ASIC2: variants seen among roughly 807,000 people sequenced by gnomAD.
ASIC2 encodes acid sensing ion channel subunit 2.
ASIC2 carries 25 observed loss-of-function variants against 57.3 expected under a neutral mutation model. The observed-to-expected ratio is 0.44, with a 90% CI of 0.32 to 0.61. The LOEUF (loss-of-function observed/expected upper bound fraction) is 0.61, where lower values mean the gene tolerates loss of function less well. Ranked by LOEUF, ASIC2 falls within the 20% of genes least tolerant of loss-of-function variation. The pLI is 0.06. For missense variants in ASIC2, 641 were observed against 738.1 expected (o/e 0.87, Z 1.52); for synonymous variants, 319 against 307.5 (o/e 1.04, Z -0.39).
chr17:33,847,393 C>A (rs571482974), intron 1 of ASIC2, among the ~76,000 whole-genome samples: 2 of 152,168 alleles, frequency 1.3e-5, no homozygotes, highest in Admixed American at 6.5e-5. Flanking sequence ...GCCTTGCAGA[C>A]AGCCCCCATC....
At chr17:33,980,549 T>C (rs1905575600) in intron 1 of ASIC2, among the ~76,000 whole-genome samples, 1 of 152,106 alleles carries the variant, frequency 6.6e-6, no homozygotes, top group African/African-American at 2.4e-5. Flanking sequence ...TCTGGGAACT[T>C]GGGTAGGTTG....
intron 1 of ASIC2, among the ~76,000 whole-genome samples, chr17:33,336,500 C>A (rs910682350): frequency 6.6e-6 from 1 of 152,050 alleles, no homozygotes; most frequent in East Asian, 1.9e-4. Flanking sequence ...TCCAGTCCTG[C>A]GGAAGGAAAC....
intron 1 of ASIC2, among the ~76,000 whole-genome samples, chr17:33,589,150 A>G (rs1904744487): frequency 6.6e-6 from 1 of 152,204 alleles, no homozygotes; most frequent in Admixed American, 6.5e-5. Context: ...CCAGAGCCAG[A>G]GAAGGGAAGT....
intron 1 of ASIC2, among the ~76,000 whole-genome samples, chr17:33,849,962 A>G (rs1194975392): frequency 6.6e-6 from 1 of 152,256 alleles, no homozygotes; most frequent in African/African-American, 2.4e-5. Flanking sequence ...ATTAATTACA[A>G]AAAGTAACAA....
intron 1 of ASIC2, among the ~76,000 whole-genome samples, chr17:34,151,323 G>A (rs990787263): frequency 6.6e-6 from 1 of 152,172 alleles, no homozygotes; most frequent in Non-Finnish European, 1.5e-5. Flanking sequence ...TCATCTGGAG[G>A]GGGTGGGAAA....
chr17:33,122,009 C>A (rs565683645), intron 1 of ASIC2, among the ~76,000 whole-genome samples: 1 of 152,274 alleles, frequency 6.6e-6, no homozygotes, highest in South Asian at 2.1e-4. Context: ...TTGTAGTGAG[C>A]CAAGGCTGAC....
At chr17:33,609,381 G>A (rs1226323718) in intron 1 of ASIC2, among the ~76,000 whole-genome samples, 3 of 152,086 alleles carry the variant, frequency 2.0e-5, no homozygotes, top group Admixed American at 6.5e-5. Context: ...CTTGCCCTCC[G>A]AGTCACAGTC....
In ASIC2 at chr17:33,416,237, A is replaced by G. The variant is rs148448154; in HGVS notation, c.556-304170T>C. 8.0e-4 allele frequency among the ~76,000 whole-genome samples: 122 copies of G among 152,362 alleles called. 1 individual carries two copies. In the Middle Eastern group the frequency reaches 0.017, roughly 21 times the overall value. ...GGCCAGAATCAAGGCTGAAGCTAAA[A>G]CCACATGGATTTGGAAATCTTAACA... On this transcript the variant is annotated intron_variant, in intron 1 of 9. Coordinates refer to the ASIC2 transcript ENST00000359872.
chr17:33,127,018 C>T (rs929888709), intron 1 of ASIC2, among the ~76,000 whole-genome samples: 8 of 150,650 alleles, frequency 5.3e-5, no homozygotes, highest in African/African-American at 2.0e-4. Flanking sequence ...CAGGCGCCCG[C>T]CACCGCGCCC....
intron 1 of ASIC2, among the ~76,000 whole-genome samples, chr17:33,336,454 C>T (rs144826886): frequency 2.0e-4 from 31 of 152,104 alleles, no homozygotes; most frequent in Admixed American, 1.4e-3. Context: ...TGAAATTTTG[C>T]GTCTGAGACA....
At chr17:33,603,541 AAG>A (rs950534785) in intron 1 of ASIC2, among the ~76,000 whole-genome samples, 1 of 152,048 alleles carries the variant, frequency 6.6e-6, no homozygotes, top group Non-Finnish European at 1.5e-5. Context: ...AGAAACAGAC[AAG>A]AGAGAAATAA....
chr17:33,468,435 A>C lies in ASIC2; in HGVS notation c.556-356368T>G, dbSNP rs1014136314. ...AAAATTAGCTCCTTTAAGCATAAAA[A>C]CATTTTGTTTTGGTTCCTTTGATTT... On this transcript the variant is annotated intron_variant, in intron 1 of 9. Coordinates refer to the ASIC2 transcript ENST00000359872. Among the ~76,000 whole-genome samples, 18 of 152,282 alleles carry C rather than the reference A, an allele frequency of 1.2e-4. No individual in the cohort carries two copies. The South Asian group carries it at 3.7e-3, about 32-fold the overall frequency.
At chr17:33,441,284 T>G (rs1045868358) in intron 1 of ASIC2, among the ~76,000 whole-genome samples, 3 of 152,210 alleles carry the variant, frequency 2.0e-5, no homozygotes, top group Non-Finnish European at 2.9e-5. Context: ...TTCTTAATGA[T>G]GCCTCTTGAA....
rs1287923092 is a variant in ASIC2 at position 33,510,564 on chromosome 17, C to T, written c.556-398497G>A. ...GGAGGATTGCCTGAGCCCAGGAGGT[C>T]GAGTCTGCAGTGAGTTGTGATGGTG... On this transcript the variant is annotated intron_variant, in intron 1 of 9. Coordinates refer to the ASIC2 transcript ENST00000359872. 1.5e-4 allele frequency among the ~76,000 whole-genome samples: 23 copies of T among 152,126 alleles called. No homozygotes were observed. In the East Asian group the frequency reaches 4.3e-3, roughly 28 times the overall value.
intron 1 of ASIC2, among the ~76,000 whole-genome samples, chr17:33,990,381 A>G: frequency 6.6e-6 from 1 of 152,244 alleles, no homozygotes; most frequent in East Asian, 1.9e-4. Context: ...TTTAATATTC[A>G]TCAGGCAATT....
chr17:33,016,282 A>C (rs1359586256), intron 8 of ASIC2, among the ~76,000 whole-genome samples: 5 of 152,178 alleles, frequency 3.3e-5, no homozygotes, highest in African/African-American at 1.2e-4. Flanking sequence ...GCCCTGCTTC[A>C]CAGGGTGAAC....
intron 1 of ASIC2, among the ~76,000 whole-genome samples, chr17:33,700,501 G>A (rs948366632): frequency 6.6e-6 from 1 of 152,162 alleles, no homozygotes; most frequent in Admixed American, 6.5e-5. Context: ...GCAGCAGACA[G>A]CATCCATGGA....
intron 1 of ASIC2, among the ~76,000 whole-genome samples, chr17:33,796,794 G>A (rs144218325): frequency 1.3e-3 from 198 of 152,274 alleles, no homozygotes; most frequent in African/African-American, 4.4e-3. Context: ...CTTGGGGCTG[G>A]TAGGAGATTA....
intron 1 of ASIC2, among the ~76,000 whole-genome samples, chr17:33,593,617 G>C (rs1432942426): frequency 1.3e-5 from 2 of 152,218 alleles, no homozygotes; most frequent in Non-Finnish European, 2.9e-5. Flanking sequence ...GGGTTACTCT[G>C]AGGAGGACAA....
Sources: gnomAD v4.1 joint callset for allele counts (sites outside exome capture counted in the v4.1 genomes callset) on GRCh38, gnomAD v4.1.1 for gene constraint, MANE v1.5 for transcripts, NCBI Gene and HGNC (gene_info 2026-07-23, HGNC 2026-07-21) for gene names.